Variants in ARL15 observed in about 807,000 individuals in gnomAD.
ARL15 encodes the protein ADP-ribosylation factor-like protein 15.
Under a neutral mutation model 25.2 loss-of-function variants are expected in ARL15, and 19 were observed. The ratio of observed to expected loss-of-function variants is 0.75; its 90% CI spans 0.53 to 1.10. The LOEUF (loss-of-function observed/expected upper bound fraction) is 1.10. Ranked by LOEUF, ARL15 falls within the 50% of genes least tolerant of loss-of-function variation. ARL15 has a pLI of 0.00. For synonymous variants in ARL15, 94 were observed against 86.8 expected, an observed-to-expected ratio of 1.08 and a Z score of -0.46; for missense variants, 220 against 246.0, an observed-to-expected ratio of 0.89 and a Z score of 0.71.
Position 53,926,378 on chromosome 5 carries a change from T to C in ARL15, c.463-39665A>G, listed in dbSNP as rs917541919. Among the ~76,000 whole-genome samples, 13 of 150,182 alleles carry C rather than the reference T, an allele frequency of 8.7e-5. No homozygotes were observed. In the East Asian group the frequency reaches 2.6e-3, roughly 30 times the overall value. The stretch of plus-strand genomic sequence containing the variant: ...AAGAAAGGGCTGTCTAGTGGGAAGA[T>C]GAAGCCATGGAGAACATGCAGCCAC... On this transcript the variant is annotated intron_variant, in intron 4 of 4. Transcript: ENST00000504924.
At chr5:54,095,671 T>C (rs1349717975) in intron 4 of ARL15, among the ~76,000 whole-genome samples, 1 of 152,134 alleles carries the variant, frequency 6.6e-6, no homozygotes, top group Non-Finnish European at 1.5e-5. Context: ...AGTACTAGAA[T>C]ACAATAGCCA....
chr5:54,047,653 T>A (rs1017658090), intron 4 of ARL15, among the ~76,000 whole-genome samples: 1 of 152,146 alleles, frequency 6.6e-6, no homozygotes, highest in African/African-American at 2.4e-5. Flanking sequence ...TCAGGAGACA[T>A]TGAAAGAACG....
intron 4 of ARL15, among the ~76,000 whole-genome samples, chr5:53,965,275 T>C (rs1473109581): frequency 2.0e-5 from 3 of 152,194 alleles, no homozygotes; most frequent in African/African-American, 7.2e-5. Context: ...TAGTGGTTAA[T>C]AGGACAAAAT....
At chr5:54,160,961 A>G (rs565551425) in intron 2 of ARL15, among the ~76,000 whole-genome samples, 1 of 152,150 alleles carries the variant, frequency 6.6e-6, no homozygotes, top group Non-Finnish European at 1.5e-5. Flanking sequence ...TTAAAAGAAT[A>G]AAGGTTTTAC....
rs1474280764 is a variant in ARL15, at chr5:54,198,325, G to T, written c.49-26397C>A. On this transcript the variant is annotated intron_variant, in intron 1 of 4. Transcript: ENST00000504924. ...ATCAGGCAGGAGAAGGAAATAAAGGGTATTCAATTAGGAAAAGAGGAAGTC... is the reference window on the plus strand; with the variant it reads ...ATCAGGCAGGAGAAGGAAATAAAGGTTATTCAATTAGGAAAAGAGGAAGTC... Among the ~76,000 whole-genome samples the T allele has an allele frequency of 3.3e-5, 5 of 152,118 alleles. No individual in the cohort carries two copies. In the East Asian group the frequency reaches 9.6e-4, roughly 29 times the overall value.
In ARL15 at chr5:54,139,371, C is replaced by T. The variant is rs918898289; in HGVS notation, c.253+15209G>A. Among the ~76,000 whole-genome samples the T allele has an allele frequency of 5.9e-5, 9 of 152,064 alleles. No homozygotes were observed. In the East Asian group the frequency reaches 1.3e-3, roughly 23 times the overall value. ...GAATAATGACTTTTGCAGCAACTTG[C>T]GTGAAGCTAGAGGTCATTATTCTAA... is the stretch of plus-strand genomic sequence containing the variant. On this transcript the variant is annotated intron_variant, in intron 3 of 4. Coordinates refer to ENST00000504924, the MANE Select transcript of ARL15 (RefSeq NM_019087.3).
intron 4 of ARL15, among the ~76,000 whole-genome samples, chr5:54,011,757 T>C (rs1749248573): frequency 6.6e-6 from 1 of 152,082 alleles, no homozygotes; most frequent in South Asian, 2.1e-4. Flanking sequence ...ACACCTGTAA[T>C]CCCAGCACTT....
intron 4 of ARL15, among the ~76,000 whole-genome samples, chr5:54,087,546 A>T (rs1752007325): frequency 6.6e-6 from 1 of 152,140 alleles, no homozygotes; most frequent in Non-Finnish European, 1.5e-5. Context: ...TGGATAGCTA[A>T]AAGGAATAGC....
At chr5:53,978,369 A>G (rs1174468181) in intron 4 of ARL15, among the ~76,000 whole-genome samples, 1 of 152,180 alleles carries the variant, frequency 6.6e-6, no homozygotes, top group Non-Finnish European at 1.5e-5. Flanking sequence ...GAGACTCCTG[A>G]CATCAAATCT....
chr5:54,184,646 CA>C (rs1755186052), intron 1 of ARL15, among the ~76,000 whole-genome samples: 1 of 147,472 alleles, frequency 6.8e-6, no homozygotes, highest in Non-Finnish European at 1.5e-5. Flanking sequence ...GAAAACAAAC[CA>C]AAATTGTTTT....
chr5:53,987,793 T>C (rs1694067), intron 4 of ARL15, among the ~76,000 whole-genome samples: 96,977 of 151,580 alleles, frequency 0.64, 31,405 homozygotes, highest in East Asian at 0.86. Flanking sequence ...TCTACAAAAA[T>C]AAAAATTAAA....
intron 4 of ARL15, among the ~76,000 whole-genome samples, chr5:54,084,275 G>A (rs1388140650): frequency 6.6e-6 from 1 of 152,152 alleles, no homozygotes; most frequent in African/African-American, 2.4e-5. Context: ...CAGAATAGGA[G>A]CGGATTCTCA....
intron 1 of ARL15, among the ~76,000 whole-genome samples, chr5:54,237,204 G>T (rs572248674): frequency 2.0e-5 from 3 of 152,324 alleles, no homozygotes; most frequent in Non-Finnish European, 1.5e-5. Context: ...ATAAAGGGGA[G>T]TTCCCCTGCA....
At chr5:54,214,316 G>A (rs1756123891) in intron 1 of ARL15, among the ~76,000 whole-genome samples, 1 of 152,198 alleles carries the variant, frequency 6.6e-6, no homozygotes, top group South Asian at 2.1e-4. Flanking sequence ...CCCTGTACTA[G>A]AACAGGCAGC....
chr5:53,978,186 T>C (rs920555039), intron 4 of ARL15, among the ~76,000 whole-genome samples: 2 of 152,136 alleles, frequency 1.3e-5, no homozygotes, highest in Non-Finnish European at 2.9e-5. Flanking sequence ...CCTGAGAAAA[T>C]ATACAATGCT....
chr5:54,174,022 C>A (rs1754793282), intron 1 of ARL15, among the ~76,000 whole-genome samples: 1 of 152,158 alleles, frequency 6.6e-6, no homozygotes. Context: ...ATTGTGTTAG[C>A]AATTCACGTC....
At chr5:53,912,123 C>A (rs1196841575) in intron 4 of ARL15, 1 of 151,922 alleles carries the variant, frequency 6.6e-6, no homozygotes, top group African/African-American at 2.4e-5. Context: ...AAAGTGAGCA[C>A]CACACACTCT....
intron 4 of ARL15, among the ~76,000 whole-genome samples, chr5:53,922,931 G>C (rs1224116856): frequency 6.6e-6 from 1 of 152,174 alleles, no homozygotes; most frequent in Non-Finnish European, 1.5e-5. Flanking sequence ...GCTGCTGACT[G>C]ACTGACATTT....
At chr5:54,125,075 G>GTTTTTTTTTTTTTTTTT (rs774608441) in intron 3 of ARL15, among the ~76,000 whole-genome samples, 1 of 134,966 alleles carries the variant, frequency 7.4e-6, no homozygotes. Flanking sequence ...TTTTTGTTTT[G>GTTTTTTTTTTTTTTTTT]TTTTGTTTTG....
Sources: gnomAD v4.1 joint callset for allele counts (sites outside exome capture counted in the v4.1 genomes callset) on GRCh38, gnomAD v4.1.1 for gene constraint, MANE v1.5 for transcripts, NCBI Gene and HGNC (gene_info 2026-07-23, HGNC 2026-07-21) for gene names.